NLRP6: variants seen among roughly 807,000 people sequenced by gnomAD.
The protein encoded by NLRP6 is NACHT, LRR and PYD domains-containing protein 6.
Under a neutral mutation model 70.9 loss-of-function variants are expected in NLRP6, and 55 were observed. The observed-to-expected ratio is 0.78, with a 90% confidence interval of 0.62 to 0.97. The LOEUF is 0.97. Ranked by LOEUF, NLRP6 falls within the 50% of genes least tolerant of loss-of-function variation. The probability of loss-of-function intolerance (pLI) is 0.00; values close to 1 mark genes in which losing one functional copy is unlikely to be tolerated. For synonymous variants in NLRP6, 652 were observed against 581.9 expected (o/e 1.12, Z -1.73); for missense variants, 1,241 against 1,238.3 (o/e 1.00, Z -0.03).
rs1448644358 is a variant in NLRP6, at chr11:280,203, G to T, written c.469G>T (p.Ala157Ser). 3.2e-6 allele frequency: 5 copies of T among 1,546,718 alleles called. No individual in the cohort carries two copies. The South Asian group carries it at 4.8e-5, about 15-fold the overall frequency. The change falls in exon 4 of 8, where the codon GCC becomes TCC. Residue 157 changes from alanine to serine, a missense_variant. Transcript: ENST00000534750. The part of the protein sequence containing the change: ...FTKLLIAPES[A>S]APEEAMGPAE... ...CAAGCTGCTCATCGCGCCCGAGAGC[G>T]CCGCCCCGGAGGAGGCGATGGGGCC...
rs1590269402 is a variant in NLRP6 at position 281,147 on chromosome 11, T to G, written c.1413T>G (p.Arg471=). ...AEKELEQLEL[R]GSKVQTLFLS... is the part of the protein sequence containing the mutation. ...AGGAACTGGAGCAACTGGAGCTTCG[T>G]GGCTCCAAAGTGCAGACGCTGTTTC... Residue 471 remains arginine (R), a synonymous_variant, in exon 4 of 8, where the codon CGT becomes CGG. Coordinates refer to ENST00000534750, the MANE Select transcript of NLRP6 (RefSeq NM_001276700.2). The G allele has an allele frequency of 6.2e-7, 1 of 1,613,048 alleles. No individual in the cohort carries two copies. Among genetic ancestry groups the G allele is most frequent in the Non-Finnish European group, 8.5e-7 (1 of 1,179,952 alleles).
Position 281,085 on chromosome 11 carries a change from G to A in NLRP6, c.1351G>A (p.Glu451Lys). 4.3e-6 allele frequency: 7 copies of A among 1,612,696 alleles called. No homozygotes were observed. Among genetic ancestry groups the A allele is most frequent in the Non-Finnish European group, 5.9e-6 (7 of 1,179,728 alleles). Residue 451 changes from glutamate (E) to lysine (K), a missense_variant, in exon 4 of 8, where the codon GAG becomes AAG. By Grantham distance (56) the Glu-to-Lys change is moderately conservative (BLOSUM62 1). Coordinates refer to ENST00000534750, the MANE Select transcript of NLRP6 (RefSeq NM_001276700.2). ...GCGCAATCTGTGCCGCCTGGCCCGC[G>A]AGGGCGTCCTCGGACGCAGGGCGCA... ...DLRNLCRLAR[E>K]GVLGRRAQFA... is the part of the protein sequence containing the mutation.
rs1181620644 is a variant in NLRP6, at chr11:279,352, C to G, written c.55C>G (p.Arg19Gly). 1.5e-6 allele frequency: 2 copies of G among 1,294,696 alleles called. No individual in the cohort carries two copies. The highest frequency in any genetic ancestry group is 2.0e-6 in the Non-Finnish European group (2 of 1,020,950). The allele number at this position is 1,294,696 out of a possible 1,614,324, so 80.2% of individuals were successfully genotyped here. A position where few individuals can be genotyped will look rare whatever the true frequency, so the allele number is the denominator to read the frequency against. Reference sequence around the variant, plus strand: ...CACGGGGCCGCGCCTCGCGGTGGCCCGCGAGCTGCTCCTGGCTGCGCTGGA... The same window carrying G: ...CACGGGGCCGCGCCTCGCGGTGGCCGGCGAGCTGCTCCTGGCTGCGCTGGA... ...SSTGPRLAVARELLLAALEEL... is the reference protein window; with the variant it reads ...SSTGPRLAVAGELLLAALEEL... The change falls in exon 2 of 8, where the codon CGC (arginine) becomes GGC (glycine). Residue 19 changes from arginine (R) to glycine (G), a missense_variant. By Grantham distance (125) the Arg-to-Gly change is moderately radical. Transcript: ENST00000534750.
At chr11:283,918 A>C (rs1440152404) in intron 5 of NLRP6, among the ~76,000 whole-genome samples, 3 of 151,808 alleles carry the variant, frequency 2.0e-5, no homozygotes, top group African/African-American at 4.8e-5. Flanking sequence ...CCCAACCATT[A>C]GGGAATAGCG....
rs769501151 is a variant in NLRP6 at position 279,869 on chromosome 11, T to G, written c.346T>G (p.Ser116Ala). The G allele has an allele frequency of 1.2e-5, 18 of 1,545,784 alleles. No individual in the cohort carries two copies. The highest frequency in any genetic ancestry group is 1.4e-5 in the Non-Finnish European group (16 of 1,150,152). ...CGGCTCCGGGACGCTGCTCTCCGTGTCCGGTGGGTCTCTCGCTGGGGGGGC... is the reference window on the plus strand; with the variant it reads ...CGGCTCCGGGACGCTGCTCTCCGTGGCCGGTGGGTCTCTCGCTGGGGGGGC... ...GLGSGTLLSV[S>A]EYKKKYREHV... Residue 116 changes from serine (S) to alanine (A), a missense_variant, in exon 3 of 8, where the codon TCC (serine) becomes GCC (alanine). Coordinates refer to ENST00000534750, the MANE Select transcript of NLRP6 (RefSeq NM_001276700.2).
Position 280,500 on chromosome 11 carries a change from C to G in NLRP6, c.766C>G (p.Gln256Glu), listed in dbSNP as rs942164419. The change falls in exon 4 of 8, where the codon CAG becomes GAG. Residue 256 changes from glutamine (Q) to glutamate (E), a missense_variant. Physicochemically the swap from Gln to Glu is conservative, Grantham distance 29 (BLOSUM62 2). Transcript: ENST00000534750. ...TRSLADLILD[Q>E]CPDRGAPVPQ... The stretch of plus-strand genomic sequence containing the variant: ...CAGCCTGGCTGACCTGATCCTGGAC[C>G]AGTGCCCCGACCGCGGCGCGCCGGT... 1.9e-6 allele frequency: 3 copies of G among 1,581,448 alleles called. No homozygotes were observed. The highest frequency in any genetic ancestry group is 2.8e-5 in the African/African-American group (2 of 72,346).
Position 281,717 on chromosome 11 carries a change from C to T in NLRP6, c.1983C>T (p.Tyr661=). 1 of 1,613,356 alleles carries T rather than the reference C, an allele frequency of 6.2e-7. No individual in the cohort carries two copies. Among genetic ancestry groups the T allele is most frequent in the Non-Finnish European group, 8.5e-7 (1 of 1,180,034 alleles). Residue 661 remains tyrosine (Y), a synonymous_variant, in exon 4 of 8, where the codon TAC becomes TAT. Transcript: ENST00000534750. ...FCRMDVAVLS[Y]CVRCCPAGQA... ...GCATGGACGTGGCTGTTCTGAGCTACTGCGTGAGGTGCTGCCCTGCTGGAC... is the reference window on the plus strand; with the variant it reads ...GCATGGACGTGGCTGTTCTGAGCTATTGCGTGAGGTGCTGCCCTGCTGGAC...
In NLRP6 at chr11:285,351, G is replaced by T. The variant is rs1359693977; in HGVS notation, c.*47G>T. On this transcript the variant is annotated 3_prime_UTR_variant, in exon 8 of 8. Coordinates refer to ENST00000534750, the MANE Select transcript of NLRP6 (RefSeq NM_001276700.2). ...GTGGAAGACCCTAGTCAAAGTCCCT[G>T]TGGAGAGAACGGCCCATTCCAAGGG... 4.4e-6 allele frequency: 7 copies of T among 1,589,244 alleles called. No homozygotes were observed. The highest frequency in any genetic ancestry group is 6.0e-6 in the Non-Finnish European group (7 of 1,165,520).
At chr11:279,897 G>T in intron 3 of NLRP6, 25 bp downstream of exon 3, 1 of 1,510,544 alleles carries the variant, frequency 6.6e-7, no homozygotes, top group East Asian at 2.4e-5. Flanking sequence ...GGGGGGGCAC[G>T]AGTGTCCCCA....
At chr11:281,934 C>A in intron 4 of NLRP6, 95 bp downstream of exon 4, 1 of 1,180,066 alleles carries the variant, frequency 8.5e-7, no homozygotes, top group Non-Finnish European at 1.2e-6. Flanking sequence ...TGGGGCGCAC[C>A]TCCAGACCAG....
Position 282,722 on chromosome 11 carries a change from A to G in NLRP6, c.2123A>G (p.Lys708Arg). ...LGGGSSQGTT[K>R]QLPASLLHPL... Reference sequence around the variant, plus strand: ...CCCAGCAGTTCTCAAGGCACCACAAAACAACTGCCAGCCTCCCTTCTTCAT... The same window carrying G: ...CCCAGCAGTTCTCAAGGCACCACAAGACAACTGCCAGCCTCCCTTCTTCAT... Residue 708 changes from lysine (K) to arginine (R), a missense_variant, in exon 5 of 8, where the codon AAA becomes AGA. By Grantham distance (26) the Lys-to-Arg change is conservative. Coordinates refer to ENST00000534750, the MANE Select transcript of NLRP6 (RefSeq NM_001276700.2). 6.2e-7 allele frequency: 1 copy of G among 1,613,926 alleles called. No homozygotes were observed. Among genetic ancestry groups the G allele is most frequent in the East Asian group, 2.2e-5 (1 of 44,872 alleles).
At chr11:282,144 G>C (rs932158459) in intron 4 of NLRP6, among the ~76,000 whole-genome samples, 4 of 152,060 alleles carry the variant, frequency 2.6e-5, no homozygotes, top group Non-Finnish European at 5.9e-5. Flanking sequence ...TGGAACACAC[G>C]ATGCCCTCTG....
Position 279,316 on chromosome 11 carries a change from C to G in NLRP6, c.30-11C>G. ...GCCGCTCCCCGATGACCCGCGCCCGCCCGCCTCCAGCACGGGGCCGCGCCT... is the reference window on the plus strand; with the variant it reads ...GCCGCTCCCCGATGACCCGCGCCCGGCCGCCTCCAGCACGGGGCCGCGCCT... On this transcript the variant is annotated splice_polypyrimidine_tract_variant and intron_variant, in intron 1 of 7. Coordinates refer to ENST00000534750, the MANE Select transcript of NLRP6 (RefSeq NM_001276700.2). The G allele has an allele frequency of 1.6e-6, 2 of 1,267,864 alleles. No homozygotes were observed. The highest frequency in any genetic ancestry group is 2.0e-6 in the Non-Finnish European group (2 of 1,006,900). 78.5% of individuals were successfully genotyped at this position (1,267,864 alleles called of 1,614,324 possible). A position where few individuals can be genotyped will look rare whatever the true frequency, so the allele number is the denominator to read the frequency against.
At chr11:280,017 G>T in intron 3 of NLRP6, 67 bp from the exon 4 acceptor site, 1 of 1,419,308 alleles carries the variant, frequency 7.0e-7, no homozygotes, top group Non-Finnish European at 9.3e-7. Context: ...GAGGGCGTGG[G>T]CTCCCGGAGG....
At position 285,218 on chromosome 11, in the gene NLRP6, A is replaced by G. The variant is rs1351758661; in HGVS notation, c.2590A>G (p.Lys864Glu). 4 of 1,601,146 alleles carry G rather than the reference A, an allele frequency of 2.5e-6. No homozygotes were observed. In the Middle Eastern group the frequency reaches 5.0e-4, roughly 199 times the overall value. The change falls in exon 8 of 8, where the codon AAG (lysine) becomes GAG (glutamate). Residue 864 changes from lysine (K) to glutamate (E), a missense_variant. By Grantham distance (56) the Lys-to-Glu change is moderately conservative. Coordinates refer to ENST00000534750, the MANE Select transcript of NLRP6 (RefSeq NM_001276700.2). The stretch of plus-strand genomic sequence containing the variant: ...GTCACTACAGGAGCTTCAGGCTGTG[A>G]AGAGAGCAAAGCCGGATCTGGTCAT... ...EQSLQELQAVKRAKPDLVITH... is the reference protein window; with the variant it reads ...EQSLQELQAVERAKPDLVITH...
At chr11:284,106 G>A in intron 5 of NLRP6, 124 bp from the exon 6 acceptor site, 4 of 826,308 alleles carry the variant, frequency 4.8e-6, no homozygotes, top group South Asian at 1.6e-5. Flanking sequence ...TCCAGGGAAG[G>A]ATGTGGCACC....
rs1248229736 is a variant in NLRP6, at chr11:281,062, G to T, written c.1328G>T (p.Arg443Leu). The T allele has an allele frequency of 2.5e-6, 4 of 1,612,812 alleles. No individual in the cohort carries two copies. In the African/African-American group the frequency reaches 4.0e-5, roughly 16 times the overall value. Residue 443 changes from arginine to leucine, a missense_variant, in exon 4 of 8, where the codon CGC (arginine) becomes CTC (leucine). By Grantham distance (102) the Arg-to-Leu change is moderately radical (BLOSUM62 -2). Coordinates refer to ENST00000534750, the MANE Select transcript of NLRP6 (RefSeq NM_001276700.2). ...ADGPRLQGDL[R>L]NLCRLAREGV... ...GGGCCCCGGTTGCAGGGCGACCTGC[G>T]CAATCTGTGCCGCCTGGCCCGCGAG... is the stretch of plus-strand genomic sequence containing the variant.
rs752030144 is a variant in NLRP6, at chr11:281,101, G to A, written c.1367G>A (p.Arg456His). 1.9e-6 allele frequency: 3 copies of A among 1,612,566 alleles called. No homozygotes were observed. Among genetic ancestry groups the A allele is most frequent in the Middle Eastern group, 1.6e-4 (1 of 6,080 alleles). The change falls in exon 4 of 8, where the codon CGC becomes CAC. Residue 456 changes from arginine (R) to histidine (H), a missense_variant. Transcript: ENST00000534750. The stretch of plus-strand genomic sequence containing the variant: ...CTGGCCCGCGAGGGCGTCCTCGGAC[G>A]CAGGGCGCAGTTTGCCGAGAAGGAA... ...CRLAREGVLG[R>H]RAQFAEKELE... is the part of the protein sequence containing the mutation.
In NLRP6 at chr11:279,886, TG is replaced by T. The variant is rs570475147; in HGVS notation, c.349+21del. Reference sequence around the variant, plus strand: ...TCTCCGTGTCCGGTGGGTCTCTCGCTGGGGGGGCACGAGTGTCCCCAACCCC... The same window carrying T: ...TCTCCGTGTCCGGTGGGTCTCTCGCTGGGGGGCACGAGTGTCCCCAACCCC... On this transcript the variant is annotated intron_variant, in intron 3 of 7. Coordinates refer to ENST00000534750, the MANE Select transcript of NLRP6 (RefSeq NM_001276700.2). 14 of 1,526,382 alleles carry T rather than the reference TG, an allele frequency of 9.2e-6. No homozygotes were observed. The East Asian group carries it at 9.4e-5, about 10-fold the overall frequency. The allele number at this position is 1,526,382 out of a possible 1,614,324, so 94.6% of individuals were successfully genotyped here. A position where few individuals can be genotyped will look rare whatever the true frequency, so the allele number is the denominator to read the frequency against.
Sources: allele counts gnomAD v4.1 joint callset (sites outside exome capture counted in the v4.1 genomes callset), GRCh38; gene constraint gnomAD v4.1.1; transcripts MANE v1.5; gene names NCBI Gene and HGNC (gene_info 2026-07-23, HGNC 2026-07-21).